Variants in TNNI3K observed in about 807,000 individuals in gnomAD.
TNNI3K encodes the protein TNNI3 interacting kinase, also known as serine/threonine-protein kinase TNNI3K.
Under a neutral mutation model 114.5 loss-of-function variants are expected in TNNI3K, and 140 were observed. The observed-to-expected ratio is 1.22, with a 90% CI of 1.07 to 1.41. The LOEUF (loss-of-function observed/expected upper bound fraction) is 1.41, where lower values mean the gene tolerates loss of function less well. Ranked by LOEUF, TNNI3K falls within the 40% of genes most tolerant of loss-of-function variation. The pLI is 0.00. For synonymous variants in TNNI3K, 347 were observed against 347.5 expected, an observed-to-expected ratio of 1.00 and a Z score of 0.02; for missense variants, 1,125 against 1,007.6, an observed-to-expected ratio of 1.12 and a Z score of -1.58.
chr1:74,440,643 T>C (rs748965042), intron 20 of TNNI3K, among the ~76,000 whole-genome samples: 1 of 152,164 alleles, frequency 6.6e-6, no homozygotes. Context: ...TCACAGGTTA[T>C]GTGCTCTGTG....
At chr1:74,525,282 C>T (rs535547529) in intron 23 of TNNI3K, among the ~76,000 whole-genome samples, 2 of 152,232 alleles carry the variant, frequency 1.3e-5, no homozygotes, top group Non-Finnish European at 2.9e-5. Context: ...AAGCGCTTTG[C>T]GTGTATACCA....
At position 74,297,522 on chromosome 1, in the gene TNNI3K, C is replaced by CGCGT. The variant is rs1553128512; in HGVS notation, c.444+25815_444+25816insCGTG. Reference sequence around the variant, plus strand: ...TGGCATCTTGTCCAGTGTGTGTGTGCGTGTGTGTGTGTGTGTGTGTGTGTG... The same window carrying CGCGT: ...TGGCATCTTGTCCAGTGTGTGTGTGCGCGTGTGTGTGTGTGTGTGTGTGTGTGTG... On this transcript the variant is annotated intron_variant, in intron 5 of 24. Coordinates refer to ENST00000326637, the MANE Select transcript of TNNI3K (RefSeq NM_015978.3). 4.1e-5 allele frequency among the ~76,000 whole-genome samples: 6 copies of CGCGT among 145,354 alleles called. No individual in the cohort carries two copies. In the Admixed American group the frequency reaches 4.1e-4, roughly 10 times the overall value.
In TNNI3K at chr1:74,447,461, A is replaced by T. The variant is rs1297579144; in HGVS notation, c.2011+7839A>T. Among the ~76,000 whole-genome samples the T allele has an allele frequency of 2.8e-5, 4 of 144,070 alleles. 1 individual carries two copies. The highest frequency in any genetic ancestry group is 2.7e-4 in the Admixed American group (4 of 14,578). 94.5% of individuals were successfully genotyped at this position (144,070 alleles called of 152,430 possible). ...AAAAGTGGGCGAAGGACATGAACAGACACTTCTCAAAAGAAGACATTTATG... is the reference window on the plus strand; with the variant it reads ...AAAAGTGGGCGAAGGACATGAACAGTCACTTCTCAAAAGAAGACATTTATG... On this transcript the variant is annotated intron_variant, in intron 20 of 24. Transcript: ENST00000326637.
At chr1:74,395,718 C>G (rs1165181312) in intron 17 of TNNI3K, among the ~76,000 whole-genome samples, 1 of 152,120 alleles carries the variant, frequency 6.6e-6, no homozygotes, top group Non-Finnish European at 1.5e-5. Context: ...TGCAGGAAAC[C>G]TCCAGTGCGG....
At chr1:74,435,932 T>A in intron 17 of TNNI3K, 148 bp from the exon 18 acceptor site, 4 of 966,746 alleles carry the variant, frequency 4.1e-6, no homozygotes, top group Non-Finnish European at 5.9e-6. Context: ...TCAGCAAAAC[T>A]AAAAAATTTT....
At chr1:74,284,485 A>C (rs1423588859) in intron 5 of TNNI3K, among the ~76,000 whole-genome samples, 1 of 152,228 alleles carries the variant, frequency 6.6e-6, no homozygotes, top group East Asian at 1.9e-4. Context: ...AGGTTGGTAC[A>C]AAAATAAATG....
At chr1:74,349,639 C>A (rs1661220606) in intron 9 of TNNI3K, among the ~76,000 whole-genome samples, 1 of 152,178 alleles carries the variant, frequency 6.6e-6, no homozygotes, top group Admixed American at 6.5e-5. Flanking sequence ...ATTATTGCCT[C>A]AATTTCAGAG....
At chr1:74,423,709 C>T (rs274581) in intron 17 of TNNI3K, among the ~76,000 whole-genome samples, 18,560 of 152,114 alleles carry the variant, frequency 0.12, 1,635 homozygotes, top group African/African-American at 0.24. Flanking sequence ...TCACACATCA[C>T]ATATTCTCCT....
In TNNI3K at chr1:74,446,511, G is replaced by C. The variant is rs1666689292; in HGVS notation, c.2011+6889G>C. On this transcript the variant is annotated intron_variant, in intron 20 of 24. Coordinates refer to ENST00000326637, the MANE Select transcript of TNNI3K (RefSeq NM_015978.3). ...AGGTTGCCTGTTCACTCTGATGGTA[G>C]TTTCTTTTGCTGTGCAGAAGCTCTT... Among the ~76,000 whole-genome samples the C allele has an allele frequency of 2.0e-5, 3 of 148,184 alleles. No individual in the cohort carries two copies. In the Middle Eastern group the frequency reaches 0.011, roughly 525 times the overall value.
At chr1:74,303,387 A>G (rs945233336) in intron 5 of TNNI3K, among the ~76,000 whole-genome samples, 4 of 151,546 alleles carry the variant, frequency 2.6e-5, no homozygotes, top group Non-Finnish European at 2.9e-5. Context: ...CTGGTCTCTA[A>G]CTCCTGACCT....
chr1:74,526,149 G>T (rs1646501988), intron 23 of TNNI3K, among the ~76,000 whole-genome samples: 1 of 152,196 alleles, frequency 6.6e-6, no homozygotes, highest in Non-Finnish European at 1.5e-5. Flanking sequence ...AGTTTAGGGA[G>T]TTTTAAAACC....
intron 17 of TNNI3K, among the ~76,000 whole-genome samples, chr1:74,404,135 T>A (rs1240207381): frequency 6.6e-6 from 1 of 152,164 alleles, no homozygotes; most frequent in Non-Finnish European, 1.5e-5. Context: ...CAAGAGGTAA[T>A]GTGTATCTGA....
In TNNI3K at chr1:74,280,116, C is replaced by T. The variant is rs373641067; in HGVS notation, c.444+8408C>T. Among the ~76,000 whole-genome samples the T allele has an allele frequency of 3.9e-5, 6 of 152,200 alleles. No homozygotes were observed. The East Asian group carries it at 1.2e-3, about 29-fold the overall frequency. On this transcript the variant is annotated intron_variant, in intron 5 of 24. Coordinates refer to ENST00000326637, the MANE Select transcript of TNNI3K (RefSeq NM_015978.3). ...AGGCACTGAAGGCTGGGTGCGGTGG[C>T]TCACGCCTGTAATCCCACCACTTTG... is the stretch of plus-strand genomic sequence containing the variant.
chr1:74,257,043 CCACATATCA>C (rs1420441608), intron 4 of TNNI3K, among the ~76,000 whole-genome samples: 3 of 152,044 alleles, frequency 2.0e-5, no homozygotes, highest in South Asian at 2.1e-4. Flanking sequence ...TGATAATTTT[CCACATATCA>C]CTGAGTCTGC....
chr1:74,282,603 G>C (rs1173684762), intron 5 of TNNI3K, among the ~76,000 whole-genome samples: 1 of 152,008 alleles, frequency 6.6e-6, no homozygotes, highest in Non-Finnish European at 1.5e-5. Context: ...GGTATTATGG[G>C]GTTAGGGCTT....
chr1:74,495,300 G>A (rs1669272878), intron 23 of TNNI3K, among the ~76,000 whole-genome samples: 1 of 152,102 alleles, frequency 6.6e-6, no homozygotes, highest in South Asian at 2.1e-4. Flanking sequence ...TCAACTCTAG[G>A]AATCGGTAAA....
intron 5 of TNNI3K, among the ~76,000 whole-genome samples, chr1:74,306,892 T>C (rs2100338995): frequency 6.6e-6 from 1 of 152,334 alleles, no homozygotes; most frequent in South Asian, 2.1e-4. Flanking sequence ...ATTTTTGTTT[T>C]TGTTCCATTT....
intron 21 of TNNI3K, 53 bp downstream of exon 21, chr1:74,463,603 C>T: frequency 1.3e-6 from 2 of 1,587,756 alleles, no homozygotes; most frequent in South Asian, 1.1e-5. Flanking sequence ...AAATCTGTCA[C>T]AAATAGTATA....
At chr1:74,297,248 T>A (rs1658042660) in intron 5 of TNNI3K, among the ~76,000 whole-genome samples, 1 of 152,220 alleles carries the variant, frequency 6.6e-6, no homozygotes, top group Non-Finnish European at 1.5e-5. Context: ...TGTAGTCACA[T>A]GTTGAATACT....
Sources: allele counts gnomAD v4.1 joint callset (sites outside exome capture counted in the v4.1 genomes callset), GRCh38; gene constraint gnomAD v4.1.1; transcripts MANE v1.5; gene names NCBI Gene and HGNC (gene_info 2026-07-23, HGNC 2026-07-21).